PCDH9: variants seen among roughly 807,000 people sequenced by gnomAD.
PCDH9 encodes protocadherin 9.
A neutral mutation model predicts 70.6 loss-of-function variants in PCDH9; 24 were observed. The ratio of observed to expected loss-of-function variants is 0.34; its 90% confidence interval spans 0.25 to 0.48. The LOEUF (loss-of-function observed/expected upper bound fraction) is 0.48, where lower values mean the gene tolerates loss of function less well. Among genes scored for constraint, PCDH9 ranks in the 20% least tolerant of loss-of-function variants. The pLI is 0.99. For missense variants in PCDH9, 1,281 were observed against 1,503.6 expected, an observed-to-expected ratio of 0.85 and a Z score of 2.45; for synonymous variants, 562 against 558.5, an observed-to-expected ratio of 1.01 and a Z score of -0.09.
At chr13:66,544,706 G>T (rs566225404) in intron 4 of PCDH9, among the ~76,000 whole-genome samples, 10 of 152,230 alleles carry the variant, frequency 6.6e-5, no homozygotes, top group African/African-American at 2.4e-4. Context: ...TATGAAAGGA[G>T]AGGTAACTTC....
At chr13:67,064,805 C>T (rs555616800) in intron 2 of PCDH9, among the ~76,000 whole-genome samples, 1 of 152,038 alleles carries the variant, frequency 6.6e-6, no homozygotes, top group South Asian at 2.1e-4. Flanking sequence ...GCAAATGACA[C>T]ATTTCAACAA....
intron 3 of PCDH9, among the ~76,000 whole-genome samples, chr13:66,818,865 C>T (rs925480310): frequency 4.0e-5 from 6 of 151,624 alleles, no homozygotes; most frequent in Non-Finnish European, 7.4e-5. Flanking sequence ...ACCCAGGAGG[C>T]GGAGCTTGCA....
At chr13:66,633,074 C>T (rs1428311785) in intron 3 of PCDH9, among the ~76,000 whole-genome samples, 2 of 152,094 alleles carry the variant, frequency 1.3e-5, no homozygotes, top group African/African-American at 4.8e-5. Flanking sequence ...TCCTGTGAGT[C>T]ACTGGTTCAA....
chr13:66,637,100 T>C lies in PCDH9; in HGVS notation c.3139-5689A>G, dbSNP rs139722730. ...AATTTATAAATAGCTGTCATAAAGA[T>C]AGTCTATGGTAAGTTCCTCAATACG... On this transcript the variant is annotated intron_variant, in intron 3 of 4. Coordinates refer to ENST00000377865, the MANE Select transcript of PCDH9 (RefSeq NM_203487.3). Among the ~76,000 whole-genome samples, 252 of 152,264 alleles carry C rather than the reference T, an allele frequency of 1.7e-3. 2 individuals carry two copies. Among genetic ancestry groups the C allele is most frequent in the African/African-American group, 5.5e-3 (230 of 41,562 alleles).
chr13:66,349,456 G>A (rs796148191), intron 4 of PCDH9, among the ~76,000 whole-genome samples: 7 of 152,276 alleles, frequency 4.6e-5, no homozygotes, highest in African/African-American at 9.6e-5. Flanking sequence ...ACTTTATATC[G>A]GAGTGTGGCA....
intron 4 of PCDH9, among the ~76,000 whole-genome samples, chr13:66,446,429 T>G (rs1958091256): frequency 6.6e-6 from 1 of 152,058 alleles, no homozygotes; most frequent in African/African-American, 2.4e-5. Context: ...TAACTATTAC[T>G]GGAATTTCTG....
At chr13:66,642,971 A>G (rs1301235834) in intron 3 of PCDH9, among the ~76,000 whole-genome samples, 1 of 152,004 alleles carries the variant, frequency 6.6e-6, no homozygotes, top group Non-Finnish European at 1.5e-5. Flanking sequence ...AAATTTAGTA[A>G]TAATAATAAA....
intron 3 of PCDH9, among the ~76,000 whole-genome samples, chr13:66,663,464 G>T (rs1004682609): frequency 6.6e-6 from 1 of 152,120 alleles, no homozygotes; most frequent in African/African-American, 2.4e-5. Flanking sequence ...GATAAAAAGA[G>T]ATTTGAGAAA....
chr13:66,648,182 T>C (rs754731771), intron 3 of PCDH9, among the ~76,000 whole-genome samples: 93 of 152,334 alleles, frequency 6.1e-4, no homozygotes, highest in Admixed American at 2.5e-3. Flanking sequence ...ACCTGCTGAC[T>C]GTACAGTGCT....
At chr13:66,757,158 G>T (rs1351029914) in intron 3 of PCDH9, among the ~76,000 whole-genome samples, 1 of 152,102 alleles carries the variant, frequency 6.6e-6, no homozygotes, top group East Asian at 1.9e-4. Context: ...TGATTTCTGA[G>T]CCAACTTGCA....
chr13:66,981,060 T>C (rs753918328), intron 2 of PCDH9, among the ~76,000 whole-genome samples: 3 of 152,144 alleles, frequency 2.0e-5, no homozygotes, highest in Non-Finnish European at 2.9e-5. Context: ...ATGTTATAGC[T>C]ATTAACAGAA....
chr13:66,619,908 T>C (rs2138896954), intron 4 of PCDH9, among the ~76,000 whole-genome samples: 1 of 152,286 alleles, frequency 6.6e-6, no homozygotes, highest in Non-Finnish European at 1.5e-5. Context: ...CCTCTAATTA[T>C]CATACTTAGA....
intron 3 of PCDH9, among the ~76,000 whole-genome samples, chr13:66,902,092 TTAGA>T (rs2082284856): frequency 3.3e-5 from 5 of 151,590 alleles, no homozygotes; most frequent in Admixed American, 6.6e-5. Flanking sequence ...TTGTATTATC[TTAGA>T]TAGTTGAAAC....
At chr13:66,745,193 C>A (rs1303499581) in intron 3 of PCDH9, among the ~76,000 whole-genome samples, 2 of 152,164 alleles carry the variant, frequency 1.3e-5, no homozygotes, top group African/African-American at 4.8e-5. Flanking sequence ...GATTAAATCA[C>A]TACCGAGTAT....
chr13:66,326,926 A>T (rs903215257), intron 4 of PCDH9, among the ~76,000 whole-genome samples: 1 of 151,222 alleles, frequency 6.6e-6, no homozygotes. Context: ...GCTGCTTATC[A>T]TTCAGACAAG....
At chr13:67,187,511 T>C (rs1263032592) in intron 2 of PCDH9, among the ~76,000 whole-genome samples, 1 of 152,168 alleles carries the variant, frequency 6.6e-6, no homozygotes, top group Non-Finnish European at 1.5e-5. Flanking sequence ...AAATGCTATT[T>C]TTCTAAAATA....
chr13:66,967,752 T>TA (rs747590040), intron 2 of PCDH9, among the ~76,000 whole-genome samples: 2 of 152,106 alleles, frequency 1.3e-5, no homozygotes, highest in African/African-American at 4.8e-5. Context: ...TTTAACCTGT[T>TA]AAACTCTACT....
chr13:67,070,164 A>ATATC (rs528006679), intron 2 of PCDH9, among the ~76,000 whole-genome samples: 133 of 151,994 alleles, frequency 8.8e-4, no homozygotes, highest in Middle Eastern at 3.4e-3. Context: ...TAATGCCTAC[A>ATATC]TATCGTTACC....
At chr13:66,594,396 T>C (rs1013266779) in intron 4 of PCDH9, among the ~76,000 whole-genome samples, 5 of 151,890 alleles carry the variant, frequency 3.3e-5, no homozygotes, top group Admixed American at 6.6e-5. Flanking sequence ...GTTTTGAATA[T>C]AAAAATATTG....
Sources: gnomAD v4.1 joint callset for allele counts (sites outside exome capture counted in the v4.1 genomes callset) on GRCh38, gnomAD v4.1.1 for gene constraint, MANE v1.5 for transcripts, NCBI Gene and HGNC (gene_info 2026-07-23, HGNC 2026-07-21) for gene names.